PCDHGA3: variants seen among roughly 807,000 people sequenced by gnomAD.
PCDHGA3 encodes protocadherin gamma subfamily A, 3.
PCDHGA3 carries 40 observed loss-of-function variants against 58.5 expected under a neutral mutation model. That is an observed-to-expected ratio of 0.68 (90% CI 0.53 to 0.89). The LOEUF (loss-of-function observed/expected upper bound fraction) is 0.89. Among genes scored for constraint, PCDHGA3 ranks in the 40% least tolerant of loss-of-function variants. The pLI, the probability that PCDHGA3 is intolerant of heterozygous loss-of-function variation, is 0.00. For missense variants in PCDHGA3, 1,223 were observed against 1,195.9 expected, an observed-to-expected ratio of 1.02 and a Z score of -0.33; for synonymous variants, 530 against 525.7, an observed-to-expected ratio of 1.01 and a Z score of -0.11.
chr5:141,374,941 A>G, intron 1 of PCDHGA3: 1 of 1,614,040 alleles, frequency 6.2e-7, no homozygotes, highest in Non-Finnish European at 8.5e-7. Context: ...AGATTACAGA[A>G]AAGATCTCAC....
intron 1 of PCDHGA3, chr5:141,375,284 TATTATCGATTAGTGACAA>T: frequency 3.1e-6 from 5 of 1,613,832 alleles, no homozygotes; most frequent in Non-Finnish European, 4.2e-6. Context: ...AGTTGGCAAT[TATTATCGATTAGTGACAA>T]ATGCAGCTCT....
Position 141,432,123 on chromosome 5 carries a change from C to T in PCDHGA3, c.2425-62684C>T. 6.2e-7 allele frequency: 1 copy of T among 1,614,172 alleles called. No homozygotes were observed. The highest frequency in any genetic ancestry group is 8.5e-7 in the Non-Finnish European group (1 of 1,180,042). ...GACAACCCGCCGGTCTTCCCTCAGGCCTCCTATTCCGCTTATATCCCAGAG... is the reference window on the plus strand; with the variant it reads ...GACAACCCGCCGGTCTTCCCTCAGGTCTCCTATTCCGCTTATATCCCAGAG... On this transcript the variant is annotated intron_variant, in intron 1 of 3. Coordinates refer to ENST00000253812, the MANE Select transcript of PCDHGA3 (RefSeq NM_018916.4). The surrounding 1 kb of genome is among the most constrained non-coding windows in gnomAD (Gnocchi z 6.0).
At chr5:141,372,991 G>T (rs758452366) in intron 1 of PCDHGA3, among the ~76,000 whole-genome samples, 6 of 152,158 alleles carry the variant, frequency 3.9e-5, no homozygotes, top group Admixed American at 2.0e-4. Context: ...TGTTGCAGTT[G>T]TTCTTTCATA....
chr5:141,366,715 T>C (rs1183918402), intron 1 of PCDHGA3: 3 of 1,614,072 alleles, frequency 1.9e-6, no homozygotes, highest in Non-Finnish European at 2.5e-6. Flanking sequence ...TGATGTCTGA[T>C]AAGGTAGATG....
At chr5:141,392,893 G>C in intron 1 of PCDHGA3, 1 of 1,613,780 alleles carries the variant, frequency 6.2e-7, no homozygotes, top group South Asian at 1.1e-5. Flanking sequence ...TGGGAAATCG[G>C]GAGGGGACAG....
chr5:141,494,775 A>G (rs1202233200), intron 1 of PCDHGA3, 32 bp from the exon 2 acceptor site: 1 of 1,613,580 alleles, frequency 6.2e-7, no homozygotes. Flanking sequence ...TCTCACGGGT[A>G]CTCAGCCCCT....
rs376001893 is a variant in PCDHGA3 at position 141,388,827 on chromosome 5, A to G, written c.2424+42370A>G. ...TTTTGAAGAAGTCAAAGAATATTCC[A>G]TAGTTTTGGAAGCAAGGGACGGTGG... On this transcript the variant is annotated intron_variant, in intron 1 of 3. Coordinates refer to ENST00000253812, the MANE Select transcript of PCDHGA3 (RefSeq NM_018916.4). The G allele has an allele frequency of 9.9e-6, 16 of 1,614,024 alleles. No homozygotes were observed. The African/African-American group carries it at 1.7e-4, about 17-fold the overall frequency.
Position 141,345,154 on chromosome 5 carries a change from G to T in PCDHGA3, c.1121G>T (p.Arg374Leu), listed in dbSNP as rs761130659. The T allele has an allele frequency of 6.2e-7, 1 of 1,614,004 alleles. No individual in the cohort carries two copies. Among genetic ancestry groups the T allele is most frequent in the Admixed American group, 1.7e-5 (1 of 60,028 alleles). ...REIALIDVHD[R>L]DSGQNGQVEV... ...ATTGCTCTTATCGACGTGCATGACCGAGATTCTGGGCAGAATGGGCAGGTT... is the reference window on the plus strand; with the variant it reads ...ATTGCTCTTATCGACGTGCATGACCTAGATTCTGGGCAGAATGGGCAGGTT... The change falls in exon 1 of 4, where the codon CGA (arginine) becomes CTA (leucine). Residue 374 changes from arginine (R) to leucine (L), a missense_variant. Arg to Leu is a moderately radical substitution (Grantham distance 102, BLOSUM62 -2). This residue lies in a region of PCDHGA3 where 791 missense variants were observed against 708.5 expected (regional missense o/e 1.12). Coordinates refer to ENST00000253812, the MANE Select transcript of PCDHGA3 (RefSeq NM_018916.4).
At chr5:141,443,538 G>C (rs768723399) in intron 1 of PCDHGA3, among the ~76,000 whole-genome samples, 11 of 152,118 alleles carry the variant, frequency 7.2e-5, no homozygotes. Flanking sequence ...TTTAAAGCTT[G>C]GGAAATTGTT....
chr5:141,503,471 C>A (rs2099820129), intron 2 of PCDHGA3, among the ~76,000 whole-genome samples: 1 of 151,836 alleles, frequency 6.6e-6, no homozygotes, highest in African/African-American at 2.4e-5. Context: ...GGCATGTGTG[C>A]ACTTGTCGTC....
intron 1 of PCDHGA3, chr5:141,415,164 G>A: frequency 1.9e-6 from 3 of 1,613,838 alleles, no homozygotes; most frequent in African/African-American, 2.7e-5. Flanking sequence ...CCACTGTCAC[G>A]CTCACCGTGG....
At position 141,351,492 on chromosome 5, in the gene PCDHGA3, C is replaced by A. The variant is rs62623563; in HGVS notation, c.2424+5035C>A. The stretch of plus-strand genomic sequence containing the variant: ...GCTGGAGCCCTAAACCGGGAGCAGA[C>A]AGCAGACTACAACGTCACAATCATA... On this transcript the variant is annotated intron_variant, in intron 1 of 3. Coordinates refer to ENST00000253812, the MANE Select transcript of PCDHGA3 (RefSeq NM_018916.4). 6.5e-3 allele frequency: 10,416 copies of A among 1,613,942 alleles called. 45 individuals carry two copies. Among genetic ancestry groups the A allele is most frequent in the Non-Finnish European group, 6.8e-3 (8,045 of 1,179,860 alleles).
intron 1 of PCDHGA3, chr5:141,404,077 C>T: frequency 6.2e-7 from 1 of 1,613,742 alleles, no homozygotes; most frequent in East Asian, 2.2e-5. Flanking sequence ...ATGACCGAGA[C>T]TCCGGGAAGA....
rs375537017 is a variant in PCDHGA3 at position 141,419,439 on chromosome 5, C to T, written c.2424+72982C>T. 22 of 1,613,154 alleles carry T rather than the reference C, an allele frequency of 1.4e-5. No individual in the cohort carries two copies. Among genetic ancestry groups the T allele is most frequent in the Non-Finnish European group, 1.7e-5 (20 of 1,179,788 alleles). On this transcript the variant is annotated intron_variant, in intron 1 of 3. Transcript: ENST00000253812. ...GCCTTCGACCACGAGCAGCTGCGCACCTTCGAGCTCACGCTGCAGGCCCGC... is the reference window on the plus strand; with the variant it reads ...GCCTTCGACCACGAGCAGCTGCGCATCTTCGAGCTCACGCTGCAGGCCCGC...
At chr5:141,405,231 C>T in intron 1 of PCDHGA3, 2 of 1,614,130 alleles carry the variant, frequency 1.2e-6, no homozygotes, top group Non-Finnish European at 1.7e-6. Flanking sequence ...TTCTCCCTCA[C>T]CGCTGACTCA....
chr5:141,444,363 G>A (rs1292799006), intron 1 of PCDHGA3, among the ~76,000 whole-genome samples: 1 of 151,772 alleles, frequency 6.6e-6, no homozygotes, highest in Non-Finnish European at 1.5e-5. Context: ...TAGAGACGGG[G>A]TTTCTCCATG....
At chr5:141,389,412 G>C (rs1039259671) in intron 1 of PCDHGA3, 21 of 1,613,470 alleles carry the variant, frequency 1.3e-5, no homozygotes, top group Non-Finnish European at 1.3e-5. Flanking sequence ...CGCGGAGAGC[G>C]GGGTGGTGTT....
chr5:141,415,980 T>C, intron 1 of PCDHGA3: 1 of 348,656 alleles, frequency 2.9e-6, no homozygotes, highest in Non-Finnish European at 4.8e-6. Context: ...TAAGCAACCC[T>C]CTTGTTCTGA....
intron 1 of PCDHGA3, among the ~76,000 whole-genome samples, chr5:141,482,498 T>G (rs1226516612): frequency 1.5e-5 from 2 of 135,390 alleles, no homozygotes; most frequent in African/African-American, 3.0e-5. Context: ...GTTATCATTC[T>G]GGTACCCAGA....
Sources: allele counts gnomAD v4.1 joint callset (sites outside exome capture counted in the v4.1 genomes callset), GRCh38; gene constraint gnomAD v4.1.1; regional missense constraint gnomAD v4.1.1; non-coding constraint Gnocchi (gnomAD v3.1); transcripts MANE v1.5; gene names NCBI Gene and HGNC (gene_info 2026-07-23, HGNC 2026-07-21).